DNAH9: variants seen among roughly 807,000 people sequenced by gnomAD.
The protein encoded by DNAH9 is dynein axonemal heavy chain 9, also known as DNAH9 variant protein.
In DNAH9, 345 loss-of-function variants were observed where a neutral mutation model predicts 471.6. That is an observed-to-expected ratio of 0.73 (90% CI 0.67 to 0.80). The LOEUF is 0.80. Ranked by LOEUF, DNAH9 falls within the 30% of genes least tolerant of loss-of-function variation. The probability of loss-of-function intolerance (pLI) is 0.00; values close to 1 mark genes in which losing one functional copy is unlikely to be tolerated. For synonymous variants in DNAH9, 2,093 were observed against 2,123.6 expected (o/e 0.99, Z 0.40); for missense variants, 5,407 against 5,609.2 (o/e 0.96, Z 1.15).
intron 50 of DNAH9, among the ~76,000 whole-genome samples, chr17:11,859,667 C>T (rs2150975526): frequency 6.6e-6 from 1 of 152,256 alleles, no homozygotes; most frequent in Admixed American, 6.5e-5. Flanking sequence ...CCTCAGGAAG[C>T]TTACAATCAT....
chr17:11,868,634 C>A (rs1326258902), intron 50 of DNAH9, among the ~76,000 whole-genome samples: 2 of 152,048 alleles, frequency 1.3e-5, no homozygotes, highest in South Asian at 2.1e-4. Context: ...CAGATACTGG[C>A]AGTTGTCCTC....
At chr17:11,968,718 C>T (rs1185598658) in intron 68 of DNAH9, among the ~76,000 whole-genome samples, 1 of 152,158 alleles carries the variant, frequency 6.6e-6, no homozygotes, top group African/African-American at 2.4e-5. Flanking sequence ...GGAAAAATTG[C>T]TCTGTACAGC....
At position 11,734,348 on chromosome 17, in the gene DNAH9, T is replaced by C. The variant is rs567428263; in HGVS notation, c.5815-4532T>C. Among the ~76,000 whole-genome samples, 6 of 152,314 alleles carry C rather than the reference T, an allele frequency of 3.9e-5. No homozygotes were observed. The East Asian group carries it at 9.6e-4, about 24-fold the overall frequency. ...CCTGGGTAATTCTACAAAATAGTAA[T>C]GCACAGTGTCCACCCCGAAAAGATG... On this transcript the variant is annotated intron_variant, in intron 28 of 68. Coordinates refer to ENST00000262442, the MANE Select transcript of DNAH9 (RefSeq NM_001372.4).
chr17:11,735,036 T>C (rs2075323220), intron 28 of DNAH9, among the ~76,000 whole-genome samples: 1 of 152,202 alleles, frequency 6.6e-6, no homozygotes, highest in African/African-American at 2.4e-5. Flanking sequence ...ATTTGATTTA[T>C]CTTGGAGGTA....
chr17:11,920,492 G>A (rs192704432), intron 61 of DNAH9, among the ~76,000 whole-genome samples: 1 of 151,542 alleles, frequency 6.6e-6, no homozygotes, highest in African/African-American at 2.4e-5. Flanking sequence ...ATGGTGGCGT[G>A]TGCCTGTAGT....
rs759037523 is a variant in DNAH9, at chr17:11,932,199, C to T, written c.12291C>T (p.Asn4097=). ...VNVLYNFLEA[N]AKVPYDDLRY... ...TCCTCTACAACTTCCTGGAGGCCAA[C>T]GCAAAGGTAAAGGCCATGGACATTC... The change falls in exon 64 of 69, where the codon AAC becomes AAT. Residue 4097 remains asparagine (N), a synonymous_variant. Transcript: ENST00000262442. The surrounding 1 kb of genome is among the most constrained non-coding windows in gnomAD (Gnocchi z 4.3). 1.4e-5 allele frequency: 23 copies of T among 1,613,646 alleles called. No individual in the cohort carries two copies. Among genetic ancestry groups the T allele is most frequent in the East Asian group, 4.5e-5 (2 of 44,882 alleles).
At chr17:11,911,076 C>T (rs1371910659) in intron 61 of DNAH9, among the ~76,000 whole-genome samples, 2 of 152,078 alleles carry the variant, frequency 1.3e-5, no homozygotes, top group Non-Finnish European at 2.9e-5. Flanking sequence ...CCTTTGGCCA[C>T]TTGTATTTTA....
At chr17:11,599,688 C>T (rs1223208327) in intron 1 of DNAH9, among the ~76,000 whole-genome samples, 2 of 151,990 alleles carry the variant, frequency 1.3e-5, no homozygotes, top group Non-Finnish European at 2.9e-5. Flanking sequence ...TTCCTGGGCC[C>T]CTTAGACCTT....
At chr17:11,600,965 A>G (rs2072373430) in intron 1 of DNAH9, among the ~76,000 whole-genome samples, 3 of 152,176 alleles carry the variant, frequency 2.0e-5, no homozygotes, top group South Asian at 4.1e-4. Context: ...CAAGCCACAC[A>G]TCGCTCCCCT....
In DNAH9 at chr17:11,774,828, CTT is replaced by C. The variant is rs1423761378; in HGVS notation, c.7552+5503_7552+5504del. 2.6e-5 allele frequency among the ~76,000 whole-genome samples: 4 copies of C among 151,728 alleles called. No individual in the cohort carries two copies. In the East Asian group the frequency reaches 7.7e-4, roughly 29 times the overall value. On this transcript the variant is annotated intron_variant, in intron 38 of 68. Coordinates refer to ENST00000262442, the MANE Select transcript of DNAH9 (RefSeq NM_001372.4). The stretch of plus-strand genomic sequence containing the variant: ...TTCTCCTACTGAAAGGCAGCATAAT[CTT>C]TTTACATTTTTTCTTTTCTAAAAAA...
At chr17:11,707,959 C>CCACACA (rs756020074) in intron 26 of DNAH9, among the ~76,000 whole-genome samples, 2 of 106,570 alleles carry the variant, frequency 1.9e-5, no homozygotes, top group African/African-American at 8.6e-5. Context: ...GCCTCTCCCA[C>CCACACA]CACACACACA....
At chr17:11,787,858 A>G (rs2150903106) in intron 41 of DNAH9, among the ~76,000 whole-genome samples, 1 of 152,188 alleles carries the variant, frequency 6.6e-6, no homozygotes, top group Non-Finnish European at 1.5e-5. Flanking sequence ...TTCTCTTGCC[A>G]CCACCATGTA....
intron 35 of DNAH9, among the ~76,000 whole-genome samples, chr17:11,759,259 A>G (rs1174986699): frequency 1.3e-5 from 2 of 152,040 alleles, no homozygotes; most frequent in Non-Finnish European, 2.9e-5. Flanking sequence ...GGGGTATTTC[A>G]ACCCTCAACC....
At chr17:11,791,151 C>T (rs1969049497) in intron 41 of DNAH9, among the ~76,000 whole-genome samples, 1 of 152,086 alleles carries the variant, frequency 6.6e-6, no homozygotes, top group African/African-American at 2.4e-5. Context: ...AGAAGTATCT[C>T]ACAATTTTAA....
chr17:11,932,933 A>G lies in DNAH9; in HGVS notation c.12297+728A>G, dbSNP rs1974569253. Among the ~76,000 whole-genome samples the G allele has an allele frequency of 6.6e-6, 1 of 152,254 alleles. No individual in the cohort carries two copies. Among genetic ancestry groups the G allele is most frequent in the Non-Finnish European group, 1.5e-5 (1 of 68,040 alleles). ...AGGGAATATTCACCTCGTCAAGGTTATTCTAGTTCAGGAGCCAAACACAGA... is the reference window on the plus strand; with the variant it reads ...AGGGAATATTCACCTCGTCAAGGTTGTTCTAGTTCAGGAGCCAAACACAGA... On this transcript the variant is annotated intron_variant, in intron 64 of 68. Transcript: ENST00000262442. This position sits in a 1 kb window ranked among gnomAD's most constrained non-coding sequence, Gnocchi z 4.3.
intron 28 of DNAH9, among the ~76,000 whole-genome samples, chr17:11,735,043 G>C (rs566499671): frequency 6.6e-6 from 1 of 152,302 alleles, no homozygotes; most frequent in African/African-American, 2.4e-5. Flanking sequence ...TTATCTTGGA[G>C]GTAGAGCTAA....
At chr17:11,612,209 TCC>T (rs1348544823) in intron 4 of DNAH9, 1 of 367,406 alleles carries the variant, frequency 2.7e-6, no homozygotes, top group Non-Finnish European at 5.0e-6. Context: ...TGTGACCAAC[TCC>T]AGGGTGGTCA....
intron 61 of DNAH9, 90 bp from the exon 62 acceptor site, chr17:11,923,724 G>A (rs1243080206): frequency 1.1e-5 from 17 of 1,519,370 alleles, no homozygotes; most frequent in Non-Finnish European, 1.5e-5. Context: ...GTGTTTGAGG[G>A]GTGATCTGAG....
rs1387830383 is a variant in DNAH9, at chr17:11,929,893, A to C, written c.11905A>C (p.Ser3969Arg). ...QNIHLVAKWL[S>R]TLEKKLEEHS... is the part of the protein sequence containing the mutation. ...CATTCACCTGGTGGCCAAGTGGCTC[A>C]GCACCCTGGAGAAGAAGCTGGAGGA... The change falls in exon 63 of 69, where the codon AGC becomes CGC. Residue 3969 changes from serine to arginine, a missense_variant. By Grantham distance (110) the Ser-to-Arg change is moderately radical. Transcript: ENST00000262442. The C allele has an allele frequency of 6.2e-7, 1 of 1,613,800 alleles. No homozygotes were observed.
Sources: gnomAD v4.1 joint callset for allele counts (sites outside exome capture counted in the v4.1 genomes callset) on GRCh38, gnomAD v4.1.1 for gene constraint, Gnocchi (gnomAD v3.1) non-coding constraint, MANE v1.5 for transcripts, NCBI Gene and HGNC (gene_info 2026-07-23, HGNC 2026-07-21) for gene names.